LRRC7: variants seen among roughly 807,000 people sequenced by gnomAD.
LRRC7 encodes leucine-rich repeat-containing protein 7.
A neutral mutation model predicts 175.7 loss-of-function variants in LRRC7; 23 were observed. The ratio of observed to expected loss-of-function variants is 0.13; its 90% CI spans 0.09 to 0.19. LRRC7 has a LOEUF of 0.19. Ranked by LOEUF, LRRC7 falls within the 10% of genes least tolerant of loss-of-function variation. LRRC7 has a pLI of 1.00. For synonymous variants in LRRC7, 685 were observed against 680.9 expected (o/e 1.01, Z -0.09); for missense variants, 1,354 against 1,904.7 (o/e 0.71, Z 5.38).
intron 11 of LRRC7, among the ~76,000 whole-genome samples, chr1:70,009,961 C>T (rs913931249): frequency 1.3e-5 from 2 of 152,118 alleles, no homozygotes; most frequent in African/African-American, 2.4e-5. Flanking sequence ...AATTTTCAAC[C>T]CTTAGTGAGT....
At chr1:69,633,719 G>A (rs770356867) in intron 1 of LRRC7, among the ~76,000 whole-genome samples, 5 of 152,030 alleles carry the variant, frequency 3.3e-5, no homozygotes, top group Non-Finnish European at 7.4e-5. Flanking sequence ...ATGAGCCACC[G>A]TGCCCAGCCA....
chr1:70,058,012 A>ATTTT (rs1224681467), intron 23 of LRRC7, among the ~76,000 whole-genome samples: 2 of 134,496 alleles, frequency 1.5e-5, no homozygotes, highest in African/African-American at 5.5e-5. Flanking sequence ...CAGACTCACA[A>ATTTT]TTTTTTTTTT....
intron 2 of LRRC7, among the ~76,000 whole-genome samples, chr1:69,713,483 G>A (rs1055845112): frequency 2.0e-5 from 3 of 152,134 alleles, no homozygotes; most frequent in African/African-American, 7.2e-5. Flanking sequence ...ATGACAAAGC[G>A]AGACCCTGTC....
intron 25 of LRRC7, among the ~76,000 whole-genome samples, chr1:70,096,660 G>T (rs181249390): frequency 6.6e-5 from 10 of 151,732 alleles, no homozygotes; most frequent in African/African-American, 2.4e-4. Context: ...GACTCAGAAC[G>T]ACTAACTTAA....
At chr1:69,842,739 C>T (rs1387685110) in intron 7 of LRRC7, among the ~76,000 whole-genome samples, 1 of 151,970 alleles carries the variant, frequency 6.6e-6, no homozygotes. Context: ...GGTCAGTGAC[C>T]CTTCTGAGAA....
intron 2 of LRRC7, among the ~76,000 whole-genome samples, chr1:69,692,915 G>A (rs971985539): frequency 4.6e-5 from 7 of 152,184 alleles, no homozygotes; most frequent in Non-Finnish European, 1.0e-4. Context: ...CCCTAATGTG[G>A]GTGGGGACCA....
intron 7 of LRRC7, among the ~76,000 whole-genome samples, chr1:69,924,597 G>A (rs1647000307): frequency 6.6e-6 from 1 of 152,064 alleles, no homozygotes; most frequent in Non-Finnish European, 1.5e-5. Context: ...TTGGCTCTCT[G>A]TTTGTCTGTT....
chr1:69,820,203 G>T (rs1679117523), intron 4 of LRRC7, among the ~76,000 whole-genome samples: 1 of 151,500 alleles, frequency 6.6e-6, no homozygotes, highest in East Asian at 1.9e-4. Context: ...ATAGGTCTTT[G>T]CTTTGTGGTT....
At chr1:69,675,996 T>C (rs1659709747) in intron 1 of LRRC7, among the ~76,000 whole-genome samples, 1 of 128,988 alleles carries the variant, frequency 7.8e-6, no homozygotes, top group Non-Finnish European at 1.6e-5. Flanking sequence ...GGGATAGGCA[T>C]ATGAGTGCAT....
At chr1:69,569,066 GAC>G (rs3831340) in intron 1 of LRRC7, among the ~76,000 whole-genome samples, 92,537 of 150,982 alleles carry the variant, frequency 0.61, 28,468 homozygotes, top group Admixed American at 0.68. Flanking sequence ...GTTTGATCGT[GAC>G]ACACACACAC....
chr1:69,785,928 A>G (rs1569852448), intron 3 of LRRC7, among the ~76,000 whole-genome samples: 1 of 152,170 alleles, frequency 6.6e-6, no homozygotes, highest in East Asian at 1.9e-4. Context: ...TCATTTAAGC[A>G]GTCTTTTAAA....
At chr1:69,662,382 T>A (rs909276024) in intron 1 of LRRC7, among the ~76,000 whole-genome samples, 4 of 152,230 alleles carry the variant, frequency 2.6e-5, no homozygotes, top group Admixed American at 1.3e-4. Context: ...TATTTCTTTA[T>A]AAATAAAGTG....
intron 10 of LRRC7, among the ~76,000 whole-genome samples, chr1:69,991,065 G>A (rs140721512): frequency 1.6e-3 from 241 of 151,790 alleles, no homozygotes; most frequent in African/African-American, 5.6e-3. Flanking sequence ...TGAGGCAGTA[G>A]GATTGCTTGA....
chr1:69,874,197 T>C (rs1685832709), intron 7 of LRRC7: 1 of 152,166 alleles, frequency 6.6e-6, no homozygotes, highest in Non-Finnish European at 1.5e-5. Flanking sequence ...ATTAACCATA[T>C]TGGCTTTTCA....
chr1:69,935,104 G>A (rs912697520), intron 8 of LRRC7, among the ~76,000 whole-genome samples: 1 of 152,120 alleles, frequency 6.6e-6, no homozygotes, highest in African/African-American at 2.4e-5. Context: ...AAGCAGCATG[G>A]GTAGGGACCC....
chr1:69,864,461 A>ATTGG (rs1210621640), intron 7 of LRRC7, among the ~76,000 whole-genome samples: 1 of 152,210 alleles, frequency 6.6e-6, no homozygotes, highest in Admixed American at 6.5e-5. Flanking sequence ...GAAAAAGCAT[A>ATTGG]TTGGCCAGAA....
chr1:69,886,968 G>A (rs1330903543), intron 7 of LRRC7, among the ~76,000 whole-genome samples: 2 of 151,780 alleles, frequency 1.3e-5, no homozygotes, highest in Non-Finnish European at 2.9e-5. Flanking sequence ...TGGCTTGTAG[G>A]GTTTCTGCCG....
In LRRC7 at chr1:69,751,476, GGAAA is replaced by G. The variant is rs142897484; in HGVS notation, c.101-8711_101-8708del. Among the ~76,000 whole-genome samples the G allele has an allele frequency of 7.3e-3, 1,112 of 152,006 alleles. 11 individuals carry two copies. The highest frequency in any genetic ancestry group is 0.024 in the African/African-American group (1,008 of 41,486). ...AAATATTTAATATAGAAGGAAAAAA[GGAAA>G]GAAGGAAAAGCAAAAGAGGACTGCA... On this transcript the variant is annotated intron_variant, in intron 2 of 26. Transcript: ENST00000651989.
At position 69,850,086 on chromosome 1, in the gene LRRC7, G is replaced by A. The variant is rs75769892; in HGVS notation, c.647+11803G>A. Among the ~76,000 whole-genome samples the A allele has an allele frequency of 6.1e-4, 93 of 151,956 alleles. 1 individual carries two copies. In the East Asian group the frequency reaches 8.1e-3, roughly 13 times the overall value. The stretch of plus-strand genomic sequence containing the variant: ...TGGGGTGGGGGTTGGTTTTTTTGTC[G>A]TTGTTTTTTCTAGGCTGGTCCAGAA... On this transcript the variant is annotated intron_variant, in intron 7 of 26. Transcript: ENST00000651989.
Sources: gnomAD v4.1 joint callset for allele counts (sites outside exome capture counted in the v4.1 genomes callset) on GRCh38, gnomAD v4.1.1 for gene constraint, MANE v1.5 for transcripts, NCBI Gene and HGNC (gene_info 2026-07-23, HGNC 2026-07-21) for gene names.